Variants in LRMDA observed in about 807,000 individuals in gnomAD.
LRMDA encodes the protein leucine-rich melanocyte differentiation-associated protein.
LRMDA carries 18 observed loss-of-function variants against 29.8 expected under a neutral mutation model. The ratio of observed to expected loss-of-function variants is 0.60; its 90% CI spans 0.42 to 0.90. The LOEUF is 0.90. Among genes scored for constraint, LRMDA ranks in the 40% least tolerant of loss-of-function variants. The probability of loss-of-function intolerance (pLI) is 0.00; values close to 1 mark genes in which losing one functional copy is unlikely to be tolerated. For synonymous variants in LRMDA, 125 were observed against 109.4 expected (o/e 1.14, Z -0.89); for missense variants, 273 against 273.9 (o/e 1.00, Z 0.02).
At chr10:76,087,399 T>C (rs1849154968) in intron 5 of LRMDA, among the ~76,000 whole-genome samples, 1 of 152,222 alleles carries the variant, frequency 6.6e-6, no homozygotes, top group African/African-American at 2.4e-5. Flanking sequence ...CTGACATTAA[T>C]TTTATGCCTT....
chr10:75,977,871 G>A lies in LRMDA; in HGVS notation c.132-58137G>A, dbSNP rs1304781543. ...GCCACTTATTAGTCGTGTGACCTTGGACAAGGTACTTAACCTCTCTGTGCC... is the reference window on the plus strand; with the variant it reads ...GCCACTTATTAGTCGTGTGACCTTGAACAAGGTACTTAACCTCTCTGTGCC... On this transcript the variant is annotated intron_variant, in intron 2 of 6. Transcript: ENST00000611255. 2.0e-5 allele frequency among the ~76,000 whole-genome samples: 3 copies of A among 152,286 alleles called. No individual in the cohort carries two copies. In the East Asian group the frequency reaches 5.8e-4, roughly 29 times the overall value.
At chr10:75,463,746 C>A (rs1434888773) in intron 2 of LRMDA, among the ~76,000 whole-genome samples, 1 of 152,126 alleles carries the variant, frequency 6.6e-6, no homozygotes, top group Non-Finnish European at 1.5e-5. Context: ...TGGCTCACTG[C>A]AACCTTTGCC....
intron 2 of LRMDA, among the ~76,000 whole-genome samples, chr10:75,494,583 C>T (rs559632402): frequency 2.3e-4 from 29 of 126,798 alleles, no homozygotes; most frequent in Admixed American, 3.9e-4. Context: ...TCACTGCAAA[C>T]TCCGCCTCCT....
chr10:76,295,630 A>G (rs1197228993), intron 5 of LRMDA, among the ~76,000 whole-genome samples: 1 of 152,148 alleles, frequency 6.6e-6, no homozygotes, highest in Non-Finnish European at 1.5e-5. Context: ...GGCTGATTCT[A>G]GCTCTCCTCT....
intron 5 of LRMDA, among the ~76,000 whole-genome samples, chr10:76,152,603 C>A (rs1337780868): frequency 6.6e-6 from 1 of 152,128 alleles, no homozygotes; most frequent in Non-Finnish European, 1.5e-5. Flanking sequence ...GGGAACCACC[C>A]AGCTGTTTTC....
intron 5 of LRMDA, among the ~76,000 whole-genome samples, chr10:76,245,128 A>G (rs1852351140): frequency 6.6e-6 from 1 of 152,168 alleles, no homozygotes. Context: ...CTTGCTGGGG[A>G]GAGGAGAATC....
intron 6 of LRMDA, among the ~76,000 whole-genome samples, chr10:76,538,086 A>G (rs941070166): frequency 2.0e-5 from 3 of 152,186 alleles, no homozygotes; most frequent in Non-Finnish European, 4.4e-5. Flanking sequence ...GTATAGTTGT[A>G]CTATAGATTT....
chr10:75,600,240 C>A (rs1840865080), intron 2 of LRMDA, among the ~76,000 whole-genome samples: 1 of 152,178 alleles, frequency 6.6e-6, no homozygotes, highest in African/African-American at 2.4e-5. Context: ...CCACAGCATT[C>A]TTTGTCTTAA....
intron 2 of LRMDA, among the ~76,000 whole-genome samples, chr10:76,018,423 G>A (rs944020823): frequency 3.9e-5 from 6 of 152,116 alleles, no homozygotes; most frequent in African/African-American, 7.2e-5. Flanking sequence ...TCAAATCACC[G>A]TAGGGATCTC....
At position 75,628,532 on chromosome 10, in the gene LRMDA, T is replaced by C. The variant is rs74439043; in HGVS notation, c.131+190038T>C. On this transcript the variant is annotated intron_variant, in intron 2 of 6. Transcript: ENST00000611255. ...GATCAAATGTACTTCACAGTGAAGA[T>C]AGGAATATGATTTGGAGAAGAAAGA... 9.3e-3 allele frequency among the ~76,000 whole-genome samples: 1,409 copies of C among 152,310 alleles called. 25 individuals carry two copies. The highest frequency in any genetic ancestry group is 0.033 in the African/African-American group (1,361 of 41,558).
intron 2 of LRMDA, among the ~76,000 whole-genome samples, chr10:75,885,274 A>C (rs9730752): frequency 6.6e-6 from 1 of 152,092 alleles, no homozygotes; most frequent in Admixed American, 6.5e-5. Context: ...GGCTGTTTGC[A>C]TGCTTGGTAG....
chr10:75,921,982 C>A (rs1227740083), intron 2 of LRMDA, among the ~76,000 whole-genome samples: 1 of 152,200 alleles, frequency 6.6e-6, no homozygotes, highest in Non-Finnish European at 1.5e-5. Context: ...TCCTTCCCCC[C>A]AACATTGGCC....
intron 5 of LRMDA, among the ~76,000 whole-genome samples, chr10:76,064,429 G>A (rs1425782962): frequency 6.6e-6 from 1 of 152,132 alleles, no homozygotes; most frequent in Non-Finnish European, 1.5e-5. Flanking sequence ...CTCTTCTCAT[G>A]AAACATGTTA....
At chr10:75,691,101 TATATAG>T (rs1391708167) in intron 2 of LRMDA, among the ~76,000 whole-genome samples, 3 of 81,252 alleles carry the variant, frequency 3.7e-5, no homozygotes, top group Admixed American at 2.1e-4. Flanking sequence ...TGTACATAGA[TATATAG>T]ATCTATATAT....
At chr10:76,159,518 A>G (rs115427771) in intron 5 of LRMDA, among the ~76,000 whole-genome samples, 1,570 of 152,308 alleles carry the variant, frequency 0.01, 34 homozygotes, top group African/African-American at 0.036. Context: ...TGATCCAGCC[A>G]TCACACTCCT....
intron 2 of LRMDA, among the ~76,000 whole-genome samples, chr10:75,491,112 T>G (rs1844981764): frequency 6.6e-6 from 1 of 152,228 alleles, no homozygotes; most frequent in Non-Finnish European, 1.5e-5. Flanking sequence ...CTTGAATTTA[T>G]TTTTTAAAAG....
chr10:75,506,048 CT>C (rs764622553), intron 2 of LRMDA, among the ~76,000 whole-genome samples: 1 of 152,178 alleles, frequency 6.6e-6, no homozygotes, highest in Non-Finnish European at 1.5e-5. Context: ...TGGCTGACCC[CT>C]GGGAGTCGTT....
intron 5 of LRMDA, among the ~76,000 whole-genome samples, chr10:76,121,367 G>C (rs1041693164): frequency 2.0e-5 from 3 of 152,210 alleles, no homozygotes; most frequent in African/African-American, 7.2e-5. Context: ...CTGTGGGCTT[G>C]AGGCACCATT....
intron 2 of LRMDA, among the ~76,000 whole-genome samples, chr10:75,594,139 C>G (rs1485891804): frequency 6.6e-6 from 1 of 152,228 alleles, no homozygotes; most frequent in South Asian, 2.1e-4. Flanking sequence ...AATGTAGCAT[C>G]AGGGTGCCCC....
Sources: allele counts gnomAD v4.1 joint callset (sites outside exome capture counted in the v4.1 genomes callset), GRCh38; gene constraint gnomAD v4.1.1; transcripts MANE v1.5; gene names NCBI Gene and HGNC (gene_info 2026-07-23, HGNC 2026-07-21).